ACTR5: variants seen among roughly 807,000 people sequenced by gnomAD.
ACTR5 encodes the protein actin-related protein 5.
A neutral mutation model predicts 61.2 loss-of-function variants in ACTR5; 43 were observed. The observed-to-expected ratio is 0.70, with a 90% CI of 0.55 to 0.91. The LOEUF (loss-of-function observed/expected upper bound fraction) is 0.91. Among genes scored for constraint, ACTR5 ranks in the 40% least tolerant of loss-of-function variants. The pLI is 0.00. For synonymous variants in ACTR5, 333 were observed against 310.5 expected (o/e 1.07, Z -0.76); for missense variants, 798 against 782.2 (o/e 1.02, Z -0.24).
chr20:38,766,510 C>T (rs1341112249), intron 7 of ACTR5, 133 bp downstream of exon 7: 4 of 1,186,726 alleles, frequency 3.4e-6, no homozygotes, highest in Admixed American at 5.4e-5. Context: ...TTGCTGTGCT[C>T]AGATAGTATT....
intron 3 of ACTR5, among the ~76,000 whole-genome samples, chr20:38,753,411 A>AG (rs1269077546): frequency 6.6e-6 from 1 of 152,136 alleles, no homozygotes; most frequent in Non-Finnish European, 1.5e-5. Flanking sequence ...AATGAATCTC[A>AG]AAGGCATGAT....
chr20:38,757,565 G>A (rs1266253248), intron 5 of ACTR5, among the ~76,000 whole-genome samples: 1 of 151,888 alleles, frequency 6.6e-6, no homozygotes, highest in Non-Finnish European at 1.5e-5. Context: ...TTGGAAAAAT[G>A]CAAGTCAGTG....
chr20:38,752,744 A>G (rs1001120890), intron 3 of ACTR5, among the ~76,000 whole-genome samples: 42 of 152,310 alleles, frequency 2.8e-4, no homozygotes, highest in African/African-American at 9.1e-4. Context: ...CTATTGTCAC[A>G]TGAATGTGAT....
Position 38,750,130 on chromosome 20 carries a change from G to A in ACTR5, c.496G>A (p.Asp166Asn). Reference sequence around the variant, plus strand: ...GATTCCCAAGGTTGCCTATGGAATAGACAGCCTCTTCAGCTTCTACCACAA... The same window carrying A: ...GATTCCCAAGGTTGCCTATGGAATAAACAGCCTCTTCAGCTTCTACCACAA... ...YGIPKVAYGI[D>N]SLFSFYHNKP... Residue 166 changes from aspartate to asparagine, a missense_variant, in exon 2 of 9, where the codon GAC becomes AAC. By Grantham distance (23) the Asp-to-Asn change is conservative. Coordinates refer to ENST00000243903, the MANE Select transcript of ACTR5 (RefSeq NM_024855.4). 1 of 1,614,212 alleles carries A rather than the reference G, an allele frequency of 6.2e-7. No individual in the cohort carries two copies. The highest frequency in any genetic ancestry group is 1.1e-5 in the South Asian group (1 of 91,084).
chr20:38,770,886 C>T (rs2084515645), intron 8 of ACTR5, among the ~76,000 whole-genome samples: 1 of 152,164 alleles, frequency 6.6e-6, no homozygotes. Context: ...CCATTCTAAC[C>T]TGGAACTCAT....
intron 5 of ACTR5, among the ~76,000 whole-genome samples, chr20:38,756,970 G>C (rs1313253082): frequency 6.6e-6 from 1 of 152,240 alleles, no homozygotes; most frequent in African/African-American, 2.4e-5. Flanking sequence ...TTGTTGCCCA[G>C]TTAGAATGCA....
intron 8 of ACTR5, among the ~76,000 whole-genome samples, chr20:38,769,782 C>T (rs1008937243): frequency 6.6e-6 from 1 of 151,948 alleles, no homozygotes. Flanking sequence ...CCCTAAAGAA[C>T]ACTAGCATTT....
At position 38,766,292 on chromosome 20, in the gene ACTR5, C is replaced by T. The variant is rs767290783; in HGVS notation, c.1348C>T (p.Arg450Ter). The T allele has an allele frequency of 9.9e-6, 16 of 1,614,028 alleles. No homozygotes were observed. Among genetic ancestry groups the T allele is most frequent in the Admixed American group, 3.3e-5 (2 of 59,960 alleles). The change falls in exon 7 of 9, where the codon CGA becomes TGA. Residue 450 changes from arginine (R) to a stop codon, truncating the protein, a stop_gained. Coordinates refer to ENST00000243903, the MANE Select transcript of ACTR5 (RefSeq NM_024855.4). LOFTEE classifies it high-confidence loss of function. ...GCTATTTGTTGGGACAGAAAGAATT[C>T]GAGCTCCAGAGATTATTTTCCAGCC... ...HQLFVGTERI[R>*]APEIIFQPSL...
intron 5 of ACTR5, among the ~76,000 whole-genome samples, chr20:38,760,592 G>T (rs991643709): frequency 6.6e-6 from 1 of 152,216 alleles, no homozygotes; most frequent in Admixed American, 6.5e-5. Flanking sequence ...TCCTTGCTGA[G>T]CACCTACGTA....
Position 38,766,252 on chromosome 20 carries a change from G to T in ACTR5, c.1308G>T (p.Leu436Phe). 1 of 1,609,834 alleles carries T rather than the reference G, an allele frequency of 6.2e-7. No homozygotes were observed. The highest frequency in any genetic ancestry group is 2.2e-5 in the East Asian group (1 of 44,870). The part of the protein sequence containing the change: ...PVTTVQPVFN[L>F]AAYHQLFVGT... ...GGTTTTTAAAGCCCGTGTTTAACTT[G>T]GCAGCATATCATCAGCTATTTGTTG... The change falls in exon 7 of 9, where the codon TTG becomes TTT. Residue 436 changes from leucine (L) to phenylalanine (F), a missense_variant. Transcript: ENST00000243903.
intron 4 of ACTR5, among the ~76,000 whole-genome samples, chr20:38,755,378 A>G (rs534542652): frequency 2.0e-5 from 3 of 152,266 alleles, no homozygotes; most frequent in African/African-American, 7.2e-5. Flanking sequence ...AGCATTATTT[A>G]TTTTCACCTT....
Position 38,755,961 on chromosome 20 carries a change from A to G in ACTR5, c.1098A>G (p.Ile366Met), listed in dbSNP as rs752160959. ...ELQSYIQKLS[I>M]AVEQAKQKIL... Reference sequence around the variant, plus strand: ...AGTCCTACATCCAGAAGCTCAGTATAGCAGTGGAGCAGGCTAAGCAGAAAA... The same window carrying G: ...AGTCCTACATCCAGAAGCTCAGTATGGCAGTGGAGCAGGCTAAGCAGAAAA... Residue 366 changes from isoleucine (I) to methionine (M), a missense_variant, in exon 5 of 9, where the codon ATA becomes ATG. Coordinates refer to ENST00000243903, the MANE Select transcript of ACTR5 (RefSeq NM_024855.4). 6.2e-7 allele frequency: 1 copy of G among 1,614,172 alleles called. No individual in the cohort carries two copies. The highest frequency in any genetic ancestry group is 8.5e-7 in the Non-Finnish European group (1 of 1,180,036).
chr20:38,748,904 G>A, intron 1 of ACTR5, 51 bp downstream of exon 1: 1 of 1,547,346 alleles, frequency 6.5e-7, no homozygotes, highest in Non-Finnish European at 8.7e-7. Flanking sequence ...GAGGGGTGCG[G>A]TCTCGTCTCC....
intron 5 of ACTR5, among the ~76,000 whole-genome samples, chr20:38,763,850 T>C (rs1042733896): frequency 1.3e-5 from 2 of 152,330 alleles, no homozygotes; most frequent in Admixed American, 1.3e-4. Context: ...ACCCAACCCA[T>C]CTTCCTCCTC....
intron 5 of ACTR5, among the ~76,000 whole-genome samples, chr20:38,763,630 C>G (rs2084467999): frequency 6.6e-6 from 1 of 152,222 alleles, no homozygotes; most frequent in African/African-American, 2.4e-5. Flanking sequence ...TCTGCCTCTT[C>G]CCACATGTCC....
chr20:38,748,968 T>C, intron 1 of ACTR5, 115 bp downstream of exon 1: 5 of 1,324,910 alleles, frequency 3.8e-6, no homozygotes, highest in African/African-American at 1.5e-5. Flanking sequence ...CGATTGTCTT[T>C]TAGTCGACCA....
intron 5 of ACTR5, among the ~76,000 whole-genome samples, chr20:38,762,249 C>G (rs1052842204): frequency 2.0e-5 from 3 of 152,234 alleles, no homozygotes; most frequent in Middle Eastern, 3.2e-3. Flanking sequence ...CAGGCACCCA[C>G]ATATGGCCTC....
intron 4 of ACTR5, 21 bp downstream of exon 4, chr20:38,755,195 G>T: frequency 1.3e-6 from 2 of 1,565,464 alleles, no homozygotes; most frequent in Non-Finnish European, 1.7e-6. Flanking sequence ...ACACAGGGAC[G>T]GGCGCCCTTC....
chr20:38,764,766 G>A (rs1347228733), intron 5 of ACTR5, among the ~76,000 whole-genome samples: 1 of 152,174 alleles, frequency 6.6e-6, no homozygotes, highest in Non-Finnish European at 1.5e-5. Context: ...AACCTCCCAG[G>A]CTCAAGTGAT....
Sources: allele counts gnomAD v4.1 joint callset (sites outside exome capture counted in the v4.1 genomes callset), GRCh38; gene constraint gnomAD v4.1.1; transcripts MANE v1.5; gene names NCBI Gene and HGNC (gene_info 2026-07-23, HGNC 2026-07-21).